Variants in SNX8 observed in about 807,000 individuals in gnomAD.
SNX8 encodes the protein sorting nexin 8, also known as sorting nexin-8.
A neutral mutation model predicts 51.6 loss-of-function variants in SNX8; 25 were observed. The observed-to-expected ratio is 0.48, with a 90% CI of 0.35 to 0.68. The LOEUF is 0.68. Among genes scored for constraint, SNX8 ranks in the 30% least tolerant of loss-of-function variants. The pLI, the probability that SNX8 is intolerant of heterozygous loss-of-function variation, is 0.00. For missense variants in SNX8, 695 were observed against 624.0 expected, an observed-to-expected ratio of 1.11 and a Z score of -1.21; for synonymous variants, 324 against 277.0, an observed-to-expected ratio of 1.17 and a Z score of -1.68.
In SNX8 at chr7:2,253,553, C is replaced by T. The variant is rs1795096294; in HGVS notation, c.*1503G>A. On this transcript the variant is annotated 3_prime_UTR_variant, in exon 11 of 11. Transcript: ENST00000222990. ...CACCCATCGGGCTCCAAAGGGAACG[C>T]TGCCCTCTGCTCATCTGGCCAGAAG... 1 of 152,360 alleles carries T rather than the reference C, an allele frequency of 6.6e-6. No individual in the cohort carries two copies. The highest frequency in any genetic ancestry group is 1.5e-5 in the Non-Finnish European group (1 of 68,134). 9.4% of individuals were successfully genotyped at this position (152,360 alleles called of 1,614,324 possible).
At chr7:2,322,410 G>T (rs909445383) in intron 1 of SNX8, among the ~76,000 whole-genome samples, 2 of 151,644 alleles carry the variant, frequency 1.3e-5, no homozygotes, top group African/African-American at 4.8e-5. Flanking sequence ...AAAAATAAAT[G>T]CTGGCTGGGC....
chr7:2,308,682 A>AG lies in SNX8; in HGVS notation c.94+5645_94+5646insC, dbSNP rs1562451479. ...CTCTGTCTCAAAAAAAAAAAAAAAA[A>AG]AAAAAGGGTCATGGAAGGGAGCGAA... On this transcript the variant is annotated intron_variant, in intron 1 of 10. Coordinates refer to ENST00000222990, the MANE Select transcript of SNX8 (RefSeq NM_013321.4). Among the ~76,000 whole-genome samples the AG allele has an allele frequency of 1.0e-4, 15 of 147,646 alleles. 1 individual carries two copies. Among genetic ancestry groups the AG allele is most frequent in the African/African-American group, 3.7e-4 (14 of 37,554 alleles).
At position 2,285,868 on chromosome 7, in the gene SNX8, C is replaced by CGG. The variant is rs150022123; in HGVS notation, c.95-7565_95-7564dup. On this transcript the variant is annotated intron_variant, in intron 1 of 10. Coordinates refer to ENST00000222990, the MANE Select transcript of SNX8 (RefSeq NM_013321.4). ...AATTTTTGTATTTTTTGTAGATATGCGGGGGGGTCTCACTATGTTGCCCAG... is the reference window on the plus strand; with the variant it reads ...AATTTTTGTATTTTTTGTAGATATGCGGGGGGGGGTCTCACTATGTTGCCCAG... Among the ~76,000 whole-genome samples, 1,061 of 151,574 alleles carry CGG rather than the reference C, an allele frequency of 7.0e-3. 9 individuals are homozygous for CGG. The highest frequency in any genetic ancestry group is 0.042 in the South Asian group (202 of 4,786).
chr7:2,307,487 CCAGG>C (rs1796569541), intron 1 of SNX8, among the ~76,000 whole-genome samples: 1 of 151,840 alleles, frequency 6.6e-6, no homozygotes, highest in Non-Finnish European at 1.5e-5. Context: ...CAAAAATTAG[CCAGG>C]TGCGGTGGTG....
Position 2,348,156 on chromosome 7 carries a change from G to C in SNX8, c.-66+6066C>G, listed in dbSNP as rs76003101. On this transcript the variant is annotated intron_variant, in intron 1 of 5. Coordinates refer to the SNX8 transcript ENST00000435336. The stretch of plus-strand genomic sequence containing the variant: ...GCAAGCCTAGTTCACACACTGAAAA[G>C]GGCGGGCTAAGATCGCCATCTGTAG... 8.2e-3 allele frequency among the ~76,000 whole-genome samples: 1,255 copies of C among 152,138 alleles called. 15 individuals are homozygous for C. Among genetic ancestry groups the C allele is most frequent in the African/African-American group, 0.029 (1,185 of 41,526 alleles).
Position 2,255,027 on chromosome 7 carries a change from C to T in SNX8, c.*29G>A, listed in dbSNP as rs1039289724. 4 of 1,432,826 alleles carry T rather than the reference C, an allele frequency of 2.8e-6. No homozygotes were observed. The highest frequency in any genetic ancestry group is 1.4e-5 in the African/African-American group (1 of 70,928). 88.8% of individuals were successfully genotyped at this position (1,432,826 alleles called of 1,614,324 possible). The stretch of plus-strand genomic sequence containing the variant: ...GTTTGGAAAGAGGTTTTAGTGCGGC[C>T]GCAGGGAGCACCACCTCAGCCTCAG... On this transcript the variant is annotated 3_prime_UTR_variant, in exon 11 of 11. Transcript: ENST00000222990.
rs771711481 is a variant in SNX8 at position 2,271,823 on chromosome 7, G to T, written c.540+27C>A. On this transcript the variant is annotated intron_variant, in intron 4 of 10. Transcript: ENST00000222990. ...GAGGCTCGGGGACTCCCCGGGGCCG[G>T]GACATGGGCAGGGCAGACACACTCA... 20 of 1,583,416 alleles carry T rather than the reference G, an allele frequency of 1.3e-5. No homozygotes were observed. In the South Asian group the frequency reaches 2.3e-4, roughly 18 times the overall value.
Position 2,264,367 on chromosome 7 carries a change from C to G in SNX8, c.713G>C (p.Arg238Thr). The G allele has an allele frequency of 6.2e-7, 1 of 1,612,998 alleles. No homozygotes were observed. The highest frequency in any genetic ancestry group is 8.5e-7 in the Non-Finnish European group (1 of 1,180,006). ...IYNSFHKLRD[R>T]AERIASRAID... Reference sequence around the variant, plus strand: ...GGCCCGCGATGCGATCCGCTCGGCCCTGTCGCGAAGCTTGTGAAAGCTATT... The same window carrying G: ...GGCCCGCGATGCGATCCGCTCGGCCGTGTCGCGAAGCTTGTGAAAGCTATT... Residue 238 changes from arginine (R) to threonine (T), a missense_variant, in exon 6 of 11, where the codon AGG (arginine) becomes ACG (threonine). Physicochemically the swap from Arg to Thr is moderately conservative, Grantham distance 71. Transcript: ENST00000222990.
At chr7:2,328,384 G>A (rs1255629277) in intron 1 of SNX8, among the ~76,000 whole-genome samples, 4 of 151,776 alleles carry the variant, frequency 2.6e-5, no homozygotes, top group Non-Finnish European at 4.4e-5. Flanking sequence ...TACAGACAGG[G>A]TCTCACTATA....
chr7:2,290,687 G>A (rs992510254), intron 1 of SNX8, among the ~76,000 whole-genome samples: 1 of 152,180 alleles, frequency 6.6e-6, no homozygotes, highest in Non-Finnish European at 1.5e-5. Flanking sequence ...CACCTGTGAG[G>A]TCTCATGGTG....
At chr7:2,334,322 G>C (rs1205231207) in intron 1 of SNX8, among the ~76,000 whole-genome samples, 1 of 151,986 alleles carries the variant, frequency 6.6e-6, no homozygotes, top group African/African-American at 2.4e-5. Context: ...AGAATCACTT[G>C]AACCCGGGAG....
intron 1 of SNX8, among the ~76,000 whole-genome samples, chr7:2,293,802 A>C (rs1030014681): frequency 1.5e-5 from 2 of 131,170 alleles, no homozygotes; most frequent in Non-Finnish European, 3.3e-5. Flanking sequence ...GTCTCTACTA[A>C]AAATACAAAA....
intron 1 of SNX8, among the ~76,000 whole-genome samples, chr7:2,304,047 G>A (rs1796482833): frequency 1.3e-5 from 2 of 150,390 alleles, no homozygotes; most frequent in African/African-American, 4.9e-5. Context: ...GGCGCCTGTA[G>A]TCCCAGCTAC....
At chr7:2,305,372 G>C (rs921957374) in intron 1 of SNX8, among the ~76,000 whole-genome samples, 1 of 152,066 alleles carries the variant, frequency 6.6e-6, no homozygotes, top group African/African-American at 2.4e-5. Flanking sequence ...TTGTTTGTTT[G>C]TTTGTTTTTG....
chr7:2,276,937 C>T (rs150591719), intron 2 of SNX8, among the ~76,000 whole-genome samples: 72 of 152,268 alleles, frequency 4.7e-4, no homozygotes, highest in African/African-American at 1.6e-3. Context: ...AGAGCAATAC[C>T]CTGTCTCTTT....
At chr7:2,303,359 C>T (rs1188985642) in intron 1 of SNX8, among the ~76,000 whole-genome samples, 13 of 151,372 alleles carry the variant, frequency 8.6e-5, no homozygotes, top group Non-Finnish European at 1.3e-4. Flanking sequence ...CCCAGCCAGC[C>T]GCCCCGTCTG....
chr7:2,339,422 G>T (rs748987061), intron 1 of SNX8, among the ~76,000 whole-genome samples: 1 of 151,030 alleles, frequency 6.6e-6, no homozygotes, highest in Admixed American at 6.6e-5. Context: ...TGTTGGCCAA[G>T]ATGGTCTCGA....
In SNX8 at chr7:2,319,957, G is replaced by A. The variant is rs548001784; in HGVS notation, c.-66+34265C>T. On this transcript the variant is annotated intron_variant, in intron 1 of 5. Coordinates refer to the SNX8 transcript ENST00000435336. ...ATCATGCCACTGCACTCCAGCCTGG[G>A]CAACAGAAGGAGACTACATCTCAAA... 2.0e-5 allele frequency among the ~76,000 whole-genome samples: 3 copies of A among 152,262 alleles called. No individual in the cohort carries two copies. In the South Asian group the frequency reaches 6.2e-4, roughly 32 times the overall value.
At chr7:2,292,995 G>A (rs903321892) in intron 1 of SNX8, among the ~76,000 whole-genome samples, 8 of 151,974 alleles carry the variant, frequency 5.3e-5, no homozygotes, top group Admixed American at 1.3e-4. Flanking sequence ...ACTCCAGCCC[G>A]GGTGATAGAG....
Sources: allele counts gnomAD v4.1 joint callset (sites outside exome capture counted in the v4.1 genomes callset), GRCh38; gene constraint gnomAD v4.1.1; transcripts MANE v1.5; gene names NCBI Gene and HGNC (gene_info 2026-07-23, HGNC 2026-07-21).